Variants in AGL observed in about 807,000 individuals in gnomAD.
AGL encodes amylo-alpha-1,6-glucosidase and 4-alpha-glucanotransferase.
AGL carries 128 observed loss-of-function variants against 199.3 expected under a neutral mutation model. The ratio of observed to expected loss-of-function variants is 0.64; its 90% confidence interval spans 0.56 to 0.74. AGL has a LOEUF of 0.74. AGL is among the 30% of genes least tolerant of loss of function. The pLI is 0.00. For missense variants in AGL, 1,809 were observed against 1,820.8 expected (o/e 0.99, Z 0.12); for synonymous variants, 584 against 594.7 (o/e 0.98, Z 0.26).
chr1:99,882,299 C>A (rs1652104509), intron 17 of AGL, among the ~76,000 whole-genome samples: 1 of 151,906 alleles, frequency 6.6e-6, no homozygotes, highest in Non-Finnish European at 1.5e-5. Flanking sequence ...ACATTTATTT[C>A]TCTTCTAGCA....
At chr1:99,854,171 G>A (rs1401955389) in intron 2 of AGL, among the ~76,000 whole-genome samples, 1 of 152,054 alleles carries the variant, frequency 6.6e-6, no homozygotes, top group African/African-American at 2.4e-5. Context: ...TCCAGCCTGG[G>A]CAACAAGAGC....
chr1:99,904,756 C>T (rs1448543036), intron 27 of AGL, among the ~76,000 whole-genome samples: 1 of 152,098 alleles, frequency 6.6e-6, no homozygotes, highest in Non-Finnish European at 1.5e-5. Flanking sequence ...TGCATAATGC[C>T]CTTAAGATCC....
intron 8 of AGL, 118 bp downstream of exon 8, chr1:99,874,928 C>T: frequency 7.7e-7 from 1 of 1,292,196 alleles, no homozygotes; most frequent in Admixed American, 2.0e-5. Context: ...AAGTAATTCA[C>T]TGTAATTCTA....
rs890238924 is a variant in AGL at position 99,881,100 on chromosome 1, C to G, written c.1924C>G (p.Pro642Ala). Residue 642 changes from proline to alanine, a missense_variant, in exon 15 of 34, where the codon CCA (proline) becomes GCA (alanine). Pro to Ala is a conservative substitution (Grantham distance 27). Coordinates refer to ENST00000361915, the MANE Select transcript of AGL (RefSeq NM_000642.3). Reference protein sequence around the residue: ...IVHRSAYDALPSTTIVSMACC... With the variant: ...IVHRSAYDALASTTIVSMACC... The stretch of plus-strand genomic sequence containing the variant: ...GCATAGATCAGCGTATGATGCTCTT[C>G]CAAGTACTACAATTGTTTCTATGGC... 6.2e-7 allele frequency: 1 copy of G among 1,613,886 alleles called. No homozygotes were observed. Among genetic ancestry groups the G allele is most frequent in the East Asian group, 2.2e-5 (1 of 44,852 alleles).
At chr1:99,891,571 T>C (rs1652902628) in intron 22 of AGL, 35 bp from the exon 23 acceptor site, 1 of 1,611,498 alleles carries the variant, frequency 6.2e-7, no homozygotes, top group Non-Finnish European at 8.5e-7. Flanking sequence ...TCTGTACACA[T>C]ACCAAATTAA....
intron 2 of AGL, among the ~76,000 whole-genome samples, chr1:99,857,991 G>C (rs1434504997): frequency 1.3e-5 from 2 of 152,174 alleles, no homozygotes; most frequent in South Asian, 2.1e-4. Context: ...AACAAAAAAG[G>C]CATACTCAGA....
upstream of AGL, chr1:99,850,017 G>C (rs1488926030): frequency 6.6e-6 from 1 of 152,334 alleles, no homozygotes; most frequent in East Asian, 1.9e-4. Context: ...CCGGCCCGGA[G>C]CCGACTGAGA....
chr1:99,891,524 G>A (rs946827905), intron 22 of AGL, 82 bp from the exon 23 acceptor site: 1 of 1,549,780 alleles, frequency 6.5e-7, no homozygotes, highest in Non-Finnish European at 8.9e-7. Context: ...ACTAGATAAA[G>A]TTGCACATTT....
intron 2 of AGL, among the ~76,000 whole-genome samples, chr1:99,855,541 C>T (rs551740643): frequency 6.6e-6 from 1 of 152,264 alleles, no homozygotes; most frequent in South Asian, 2.1e-4. Flanking sequence ...TGGCTTACTC[C>T]TGTAATCCCG....
chr1:99,895,971 C>T (rs1022091825), intron 24 of AGL, among the ~76,000 whole-genome samples: 1 of 152,148 alleles, frequency 6.6e-6, no homozygotes, highest in Non-Finnish European at 1.5e-5. Context: ...GCCAGACCCT[C>T]TCTCAGAAAG....
intron 5 of AGL, among the ~76,000 whole-genome samples, chr1:99,867,681 G>A (rs545077288): frequency 7.9e-5 from 12 of 151,702 alleles, no homozygotes; most frequent in South Asian, 4.2e-4. Context: ...TCAGCCTCCC[G>A]AGTAGTTGGA....
At chr1:99,892,290 C>A in intron 23 of AGL, 142 bp from the exon 24 acceptor site, 1 of 793,992 alleles carries the variant, frequency 1.3e-6, no homozygotes, top group Non-Finnish European at 2.0e-6. Flanking sequence ...TGAAATCTAA[C>A]CAAAGTTTTA....
intron 27 of AGL, among the ~76,000 whole-genome samples, chr1:99,907,527 C>T (rs1051179842): frequency 5.9e-5 from 9 of 152,058 alleles, no homozygotes; most frequent in Non-Finnish European, 1.0e-4. Flanking sequence ...GAGTAACTAC[C>T]GTACTGTCTT....
chr1:99,917,693 A>T (rs1037810776), intron 33 of AGL, among the ~76,000 whole-genome samples: 1 of 152,114 alleles, frequency 6.6e-6, no homozygotes, highest in Non-Finnish European at 1.5e-5. Flanking sequence ...GGCTAATTAG[A>T]TGTAATTCTT....
At chr1:99,886,442 G>C (rs943260560) in intron 20 of AGL, among the ~76,000 whole-genome samples, 4 of 151,926 alleles carry the variant, frequency 2.6e-5, no homozygotes, top group African/African-American at 9.7e-5. Flanking sequence ...CCATGATTGT[G>C]CCACTGCTCT....
In AGL at chr1:99,889,008, A is replaced by T. The variant is rs562031996; in HGVS notation, c.2812+900A>T. Among the ~76,000 whole-genome samples, 398 of 152,286 alleles carry T rather than the reference A, an allele frequency of 2.6e-3. 2 individuals are homozygous for T. Among genetic ancestry groups the T allele is most frequent in the Middle Eastern group, 0.014 (4 of 294 alleles). The stretch of plus-strand genomic sequence containing the variant: ...TTTGTGAATCTTTATCATTGTGATT[A>T]AGAAACAGGCTTTAAAACCAGATTT... On this transcript the variant is annotated intron_variant, in intron 21 of 33. Coordinates refer to ENST00000361915, the MANE Select transcript of AGL (RefSeq NM_000642.3).
At position 99,912,452 on chromosome 1, in the gene AGL, G is replaced by A. The variant is rs140481863; in HGVS notation, c.3884G>A (p.Arg1295His). Residue 1295 changes from arginine (R) to histidine (H), a missense_variant, in exon 29 of 34, where the codon CGC becomes CAC. Coordinates refer to ENST00000361915, the MANE Select transcript of AGL (RefSeq NM_000642.3). ...EIVGLSKSAV[R>H]WLLELSKKNI... ...GTGGGCCTGAGTAAATCTGCTGTTCGCTGGTTGCTGGAATTATCCAAAAAA... is the reference window on the plus strand; with the variant it reads ...GTGGGCCTGAGTAAATCTGCTGTTCACTGGTTGCTGGAATTATCCAAAAAA... 1.1e-4 allele frequency: 171 copies of A among 1,613,950 alleles called. No homozygotes were observed. The highest frequency in any genetic ancestry group is 3.3e-4 in the Middle Eastern group (2 of 6,058).
intron 23 of AGL, among the ~76,000 whole-genome samples, chr1:99,891,979 T>C (rs1320968002): frequency 6.6e-6 from 1 of 152,186 alleles, no homozygotes; most frequent in Non-Finnish European, 1.5e-5. Flanking sequence ...TATTGTTTTA[T>C]ATTGTTTCTA....
At position 99,877,819 on chromosome 1, in the gene AGL, C is replaced by T. The variant is rs563472929; in HGVS notation, c.1602C>T (p.His534=). 1.3e-4 allele frequency: 204 copies of T among 1,613,892 alleles called. No homozygotes were observed. The Admixed American group carries it at 2.4e-3, about 19-fold the overall frequency. ...RLDNCHSTPL[H]VAEYMLDAAR... ...ATAACTGCCACTCAACACCTCTTCA[C>T]GTAGCTGAGGTACAGAAAAACAATT... The change falls in exon 12 of 34, where the codon CAC becomes CAT. Residue 534 remains histidine (H), a synonymous_variant. Coordinates refer to ENST00000361915, the MANE Select transcript of AGL (RefSeq NM_000642.3).
Sources: gnomAD v4.1 joint callset for allele counts (sites outside exome capture counted in the v4.1 genomes callset) on GRCh38, gnomAD v4.1.1 for gene constraint, MANE v1.5 for transcripts, NCBI Gene and HGNC (gene_info 2026-07-23, HGNC 2026-07-21) for gene names.